Variants in CDK17 observed in about 807,000 individuals in gnomAD.
CDK17 encodes cyclin dependent kinase 17, also known as cyclin-dependent kinase 17.
CDK17 carries 24 observed loss-of-function variants against 77.6 expected under a neutral mutation model. The ratio of observed to expected loss-of-function variants is 0.31; its 90% CI spans 0.22 to 0.44. The LOEUF is 0.44. CDK17 is among the 20% of genes least tolerant of loss of function. The pLI is 1.00. For missense variants in CDK17, 429 were observed against 622.5 expected, an observed-to-expected ratio of 0.69 and a Z score of 3.31; for synonymous variants, 203 against 210.4, an observed-to-expected ratio of 0.96 and a Z score of 0.30.
At position 96,286,422 on chromosome 12, in the gene CDK17, T is replaced by G. The variant is rs568341799; in HGVS notation, c.1216+242A>C. Among the ~76,000 whole-genome samples, 4 of 152,142 alleles carry G rather than the reference T, an allele frequency of 2.6e-5. No individual in the cohort carries two copies. In the South Asian group the frequency reaches 8.3e-4, roughly 32 times the overall value. Reference sequence around the variant, plus strand: ...AATATTCCTTAATAATATGGTGACATCCAATTTTCCATACTAATTATGTTC... The same window carrying G: ...AATATTCCTTAATAATATGGTGACAGCCAATTTTCCATACTAATTATGTTC... On this transcript the variant is annotated intron_variant, in intron 12 of 16. Coordinates refer to ENST00000261211, the MANE Select transcript of CDK17 (RefSeq NM_002595.5).
intron 1 of CDK17, among the ~76,000 whole-genome samples, chr12:96,389,130 A>C (rs61939091): frequency 6.9e-6 from 1 of 144,468 alleles, no homozygotes; most frequent in Non-Finnish European, 1.5e-5. Flanking sequence ...ATGCTCAACT[A>C]ATTTTTTTTT....
intron 1 of CDK17, among the ~76,000 whole-genome samples, chr12:96,339,471 T>C (rs1254106486): frequency 6.6e-6 from 1 of 151,824 alleles, no homozygotes; most frequent in Non-Finnish European, 1.5e-5. Context: ...TGCAGAACAA[T>C]ATGAAATAAA....
intron 5 of CDK17, 56 bp from the exon 6 acceptor site, chr12:96,300,416 C>CGATGCTGTCTCAAAA: frequency 1.1e-6 from 1 of 938,768 alleles, no homozygotes; most frequent in Non-Finnish European, 1.6e-6. Context: ...TTTTTTGAGA[C>CGATGCTGTCTCAAAA]AGCATCGTCT....
chr12:96,391,250 G>A (rs930300034), intron 1 of CDK17, among the ~76,000 whole-genome samples: 2 of 151,476 alleles, frequency 1.3e-5, no homozygotes, highest in African/African-American at 4.9e-5. Flanking sequence ...ATTTCATTAA[G>A]GACGATTTTG....
At chr12:96,342,696 G>A (rs921518938) in intron 1 of CDK17, among the ~76,000 whole-genome samples, 44 of 152,260 alleles carry the variant, frequency 2.9e-4, no homozygotes, top group Middle Eastern at 3.4e-3. Context: ...CAAGTGTGGT[G>A]GCTCACGACT....
chr12:96,323,903 C>G, intron 3 of CDK17, 45 bp downstream of exon 3: 1 of 1,401,594 alleles, frequency 7.1e-7, no homozygotes, highest in Non-Finnish European at 9.6e-7. Context: ...ATGTGCATGA[C>G]GTATAATCAG....
At chr12:96,303,338 CA>C (rs1358962954) in intron 5 of CDK17, 1 of 152,036 alleles carries the variant, frequency 6.6e-6, no homozygotes, top group Non-Finnish European at 1.5e-5. Context: ...AAAGAAATAG[CA>C]CAATAAGCTT....
chr12:96,330,080 T>C (rs1452488605), intron 2 of CDK17, among the ~76,000 whole-genome samples: 4 of 152,220 alleles, frequency 2.6e-5, no homozygotes, highest in Admixed American at 6.5e-5. Context: ...CAATAAAACA[T>C]AATTTTACCT....
At chr12:96,305,302 A>G (rs1425894721) in intron 5 of CDK17, among the ~76,000 whole-genome samples, 3 of 152,238 alleles carry the variant, frequency 2.0e-5, no homozygotes, top group Non-Finnish European at 4.4e-5. Flanking sequence ...GAAAAACAAC[A>G]CTGACAAAAA....
chr12:96,342,287 C>T (rs1316532628), intron 1 of CDK17, among the ~76,000 whole-genome samples: 1 of 152,322 alleles, frequency 6.6e-6, no homozygotes, highest in East Asian at 1.9e-4. Flanking sequence ...ATGACAAATA[C>T]CCAACACACT....
chr12:96,342,741 G>A (rs1373119827), intron 1 of CDK17, among the ~76,000 whole-genome samples: 2 of 151,740 alleles, frequency 1.3e-5, no homozygotes, highest in Non-Finnish European at 2.9e-5. Context: ...AAGGCAGGCG[G>A]ATCACCTGAG....
intron 2 of CDK17, 24 bp downstream of exon 2, chr12:96,334,695 T>C (rs768183853): frequency 8.2e-7 from 1 of 1,222,242 alleles, no homozygotes. Flanking sequence ...GGAGGAAGCA[T>C]CTCCCCCTAT....
intron 1 of CDK17, among the ~76,000 whole-genome samples, chr12:96,374,563 T>C (rs991451213): frequency 1.3e-5 from 2 of 152,224 alleles, no homozygotes; most frequent in Non-Finnish European, 2.9e-5. Flanking sequence ...AATTAACCCC[T>C]TCCCCTTCAT....
intron 1 of CDK17, among the ~76,000 whole-genome samples, chr12:96,362,221 T>C (rs1240971996): frequency 6.7e-6 from 1 of 149,620 alleles, no homozygotes; most frequent in East Asian, 2.0e-4. Flanking sequence ...CACACTTTGA[T>C]TTTTTTTTTC....
rs1406922548 is a variant in CDK17 at position 96,280,092 on chromosome 12, G to C, written c.*150C>G. On this transcript the variant is annotated 3_prime_UTR_variant, in exon 17 of 17. Transcript: ENST00000261211. ...GTGACAACAAATATAAAAACAATCT[G>C]TAGGTCTGAAATAAAAAGACTCCAC... The C allele has an allele frequency of 1.4e-6, 1 of 703,104 alleles. No homozygotes were observed. The allele number at this position is 703,104 out of a possible 1,614,324, so 43.6% of individuals were successfully genotyped here.
At chr12:96,355,398 G>GTTTTTTTTTTTTTTTTTTTTTTT (rs58937020) in intron 1 of CDK17, among the ~76,000 whole-genome samples, 1 of 72,476 alleles carries the variant, frequency 1.4e-5, no homozygotes, top group Non-Finnish European at 2.4e-5. Flanking sequence ...TCTACATTGG[G>GTTTTTTTTTTTTTTTTTTTTTTT]TTTTTTTTTT....
At chr12:96,395,442 C>T in intron 1 of CDK17, among the ~76,000 whole-genome samples, 1 of 152,148 alleles carries the variant, frequency 6.6e-6, no homozygotes, top group East Asian at 1.9e-4. Flanking sequence ...AATGTTACCA[C>T]AGAGGTCGGT....
rs563645916 is a variant in CDK17 at position 96,287,352 on chromosome 12, G to A, written c.1119-591C>T. 2.0e-5 allele frequency among the ~76,000 whole-genome samples: 3 copies of A among 152,192 alleles called. No homozygotes were observed. In the East Asian group the frequency reaches 5.8e-4, roughly 29 times the overall value. ...GGTGGTTCTTAGAACAGTCATCTAG[G>A]AACTGTATGTACACACACAGTTTAA... On this transcript the variant is annotated intron_variant, in intron 11 of 16. Transcript: ENST00000261211.
At chr12:96,383,915 C>T (rs990325381) in intron 1 of CDK17, among the ~76,000 whole-genome samples, 6 of 151,980 alleles carry the variant, frequency 3.9e-5, no homozygotes, top group African/African-American at 1.5e-4. Flanking sequence ...ACAAGCAGGA[C>T]GTAATGAAAC....
Sources: gnomAD v4.1 joint callset for allele counts (sites outside exome capture counted in the v4.1 genomes callset) on GRCh38, gnomAD v4.1.1 for gene constraint, MANE v1.5 for transcripts, NCBI Gene and HGNC (gene_info 2026-07-23, HGNC 2026-07-21) for gene names.